The following SEMA3D variants were observed in gnomAD, a reference collection of about 807,000 sequenced individuals.
The protein encoded by SEMA3D is semaphorin 3D.
SEMA3D carries 84 observed loss-of-function variants against 100.1 expected under a neutral mutation model. That is an observed-to-expected ratio of 0.84 (90% CI 0.70 to 1.01). The LOEUF (loss-of-function observed/expected upper bound fraction) is 1.01. SEMA3D is among the 50% of genes least tolerant of loss of function. SEMA3D has a pLI of 0.00. For synonymous variants in SEMA3D, 312 were observed against 320.7 expected (o/e 0.97, Z 0.29); for missense variants, 875 against 934.1 (o/e 0.94, Z 0.82).
chr7:85,175,923 T>C (rs1322513117), intron 1 of SEMA3D, among the ~76,000 whole-genome samples: 2 of 152,104 alleles, frequency 1.3e-5, no homozygotes, highest in Admixed American at 1.3e-4. Context: ...ATATAAAGAA[T>C]TCACTCTCTG....
chr7:85,081,954 A>C (rs1049908937), intron 4 of SEMA3D, among the ~76,000 whole-genome samples: 1 of 152,234 alleles, frequency 6.6e-6, no homozygotes, highest in African/African-American at 2.4e-5. Flanking sequence ...GTACATTATA[A>C]ACATGTGCCA....
chr7:85,164,242 C>T (rs9885988), intron 1 of SEMA3D, among the ~76,000 whole-genome samples: 2,355 of 152,160 alleles, frequency 0.015, 42 homozygotes, highest in Non-Finnish European at 0.021. Flanking sequence ...TAAGTCACTA[C>T]ATAATATCAC....
upstream of SEMA3D, among the ~76,000 whole-genome samples, chr7:85,189,806 AT>A (rs1791654888): frequency 6.6e-6 from 1 of 152,224 alleles, no homozygotes; most frequent in Non-Finnish European, 1.5e-5. Context: ...CACAAATATA[AT>A]ATGAGTAAGT....
chr7:85,058,747 C>CAAA (rs67267318), intron 8 of SEMA3D, among the ~76,000 whole-genome samples: 145 of 64,036 alleles, frequency 2.3e-3, no homozygotes, highest in Non-Finnish European at 2.7e-3. Context: ...GACTCCACTA[C>CAAA]AAAAAAAAAA....
chr7:85,079,647 C>A (rs193098371), intron 5 of SEMA3D, among the ~76,000 whole-genome samples: 269 of 152,296 alleles, frequency 1.8e-3, no homozygotes, highest in Admixed American at 2.8e-3. Flanking sequence ...AGAATTTAAA[C>A]CTTCACTGAT....
chr7:85,170,137 TAAAC>T (rs1791047208), intron 1 of SEMA3D, among the ~76,000 whole-genome samples: 1 of 151,844 alleles, frequency 6.6e-6, no homozygotes, highest in African/African-American at 2.4e-5. Flanking sequence ...CCCTAAATAT[TAAAC>T]ATACATGACA....
chr7:85,190,473 G>A (rs1395769276), upstream of SEMA3D, among the ~76,000 whole-genome samples: 1 of 152,082 alleles, frequency 6.6e-6, no homozygotes, highest in Non-Finnish European at 1.5e-5. Flanking sequence ...GAACAAGTGA[G>A]TGCATGAGTT....
intron 3 of SEMA3D, among the ~76,000 whole-genome samples, chr7:85,101,882 T>C (rs569785022): frequency 6.6e-6 from 1 of 152,158 alleles, no homozygotes; most frequent in South Asian, 2.1e-4. Context: ...GCATGTATCT[T>C]ATCTTCCATT....
At chr7:85,061,398 C>A (rs192377933) in intron 8 of SEMA3D, among the ~76,000 whole-genome samples, 1 of 152,214 alleles carries the variant, frequency 6.6e-6, no homozygotes, top group Non-Finnish European at 1.5e-5. Flanking sequence ...CATAATATGC[C>A]ATGCACACCT....
intron 9 of SEMA3D, 150 bp from the exon 10 acceptor site, chr7:85,042,435 G>T: frequency 1.6e-6 from 1 of 615,860 alleles, no homozygotes; most frequent in East Asian, 2.7e-5. Context: ...TTTAAAATAA[G>T]GAAAAAGACA....
the SEMA3D span, among the ~76,000 whole-genome samples, chr7:85,211,527 G>A: frequency 6.6e-6 from 1 of 152,004 alleles, no homozygotes; most frequent in Non-Finnish European, 1.5e-5. Context: ...TGCTAGGTTT[G>A]GGGCATCTAT....
At chr7:85,197,139 G>A in the SEMA3D span, among the ~76,000 whole-genome samples, 8 of 152,036 alleles carry the variant, frequency 5.3e-5, no homozygotes, top group African/African-American at 1.4e-4. Flanking sequence ...ATCTTGAAAT[G>A]GCCCTGCAAA....
the SEMA3D span, among the ~76,000 whole-genome samples, chr7:85,227,868 C>G: frequency 6.6e-6 from 1 of 152,032 alleles, no homozygotes; most frequent in African/African-American, 2.4e-5. Flanking sequence ...TCTCTCACTC[C>G]TTGTGGTCAA....
the SEMA3D span, among the ~76,000 whole-genome samples, chr7:85,221,292 A>T: frequency 6.6e-6 from 1 of 152,126 alleles, no homozygotes; most frequent in South Asian, 2.1e-4. Context: ...AAGTAGGGGA[A>T]ATAGAGATTT....
intron 1 of SEMA3D, among the ~76,000 whole-genome samples, chr7:85,182,440 A>AT (rs1791434316): frequency 6.6e-6 from 1 of 152,302 alleles, no homozygotes; most frequent in African/African-American, 2.4e-5. Flanking sequence ...TTACCTACTT[A>AT]AACAATTGGT....
At chr7:85,198,927 T>C in the SEMA3D span, among the ~76,000 whole-genome samples, 3 of 151,642 alleles carry the variant, frequency 2.0e-5, no homozygotes, top group African/African-American at 7.2e-5. Flanking sequence ...TTACTAAAAA[T>C]GTAAATAGCC....
the SEMA3D span, among the ~76,000 whole-genome samples, chr7:85,233,630 A>G: frequency 6.6e-6 from 1 of 152,302 alleles, no homozygotes; most frequent in Admixed American, 6.5e-5. Context: ...CTTTGTTGTT[A>G]TTAATAGTGG....
chr7:85,192,787 A>G, the SEMA3D span, among the ~76,000 whole-genome samples: 2 of 152,186 alleles, frequency 1.3e-5, no homozygotes, highest in East Asian at 1.9e-4. Context: ...TACCATTAAC[A>G]AATTGTATTC....
intron 11 of SEMA3D, among the ~76,000 whole-genome samples, chr7:85,037,364 C>T (rs528342623): frequency 2.6e-5 from 4 of 152,056 alleles, no homozygotes; most frequent in African/African-American, 9.6e-5. Flanking sequence ...TAAAACAAAC[C>T]CTGGAGGATA....
Sources: allele counts gnomAD v4.1 joint callset (sites outside exome capture counted in the v4.1 genomes callset), GRCh38; gene constraint gnomAD v4.1.1; transcripts MANE v1.5; gene names NCBI Gene and HGNC (gene_info 2026-07-23, HGNC 2026-07-21).